Variants in GULP1 observed in about 807,000 individuals in gnomAD.
GULP1 encodes GULP PTB domain containing engulfment adaptor 1.
Under a neutral mutation model 40.9 loss-of-function variants are expected in GULP1, and 19 were observed. That is an observed-to-expected ratio of 0.46 (90% CI 0.32 to 0.68). GULP1 has a LOEUF of 0.68. Ranked by LOEUF, GULP1 falls within the 30% of genes least tolerant of loss-of-function variation. GULP1 has a pLI of 0.03. For synonymous variants in GULP1, 119 were observed against 117.6 expected, an observed-to-expected ratio of 1.01 and a Z score of -0.08; for missense variants, 312 against 362.2, an observed-to-expected ratio of 0.86 and a Z score of 1.12.
At chr2:188,520,553 CTG>C (rs2065648751) in intron 4 of GULP1, among the ~76,000 whole-genome samples, 1 of 147,532 alleles carries the variant, frequency 6.8e-6, no homozygotes, top group South Asian at 2.2e-4. Context: ...AAAAAAGTAA[CTG>C]TTGTCCCTTA....
intron 7 of GULP1, among the ~76,000 whole-genome samples, chr2:188,555,607 GACTA>G (rs1157867422): frequency 6.6e-6 from 1 of 152,180 alleles, no homozygotes; most frequent in Non-Finnish European, 1.5e-5. Flanking sequence ...CTTTACAGGT[GACTA>G]GACGCTTTCC....
chr2:188,372,005 A>AT (rs5837089), intron 1 of GULP1, among the ~76,000 whole-genome samples: 1 of 151,918 alleles, frequency 6.6e-6, no homozygotes. Context: ...TACATCATTG[A>AT]TTTTTCCAAT....
chr2:188,315,552 A>G (rs1208838564), intron 1 of GULP1, among the ~76,000 whole-genome samples: 4 of 152,034 alleles, frequency 2.6e-5, no homozygotes, highest in African/African-American at 9.7e-5. Context: ...TCTTTATAGC[A>G]CTTAGCATAC....
rs558212256 is a variant in GULP1, at chr2:188,307,767, G to A, written c.-172+15601G>A. On this transcript the variant is annotated intron_variant, in intron 1 of 11. Coordinates refer to ENST00000409830, the MANE Select transcript of GULP1 (RefSeq NM_016315.4). ...TTCTTTTCACATAATATGCTGTGGT[G>A]TATAGCCATTGATTTAGGTGTATTT... Among the ~76,000 whole-genome samples the A allele has an allele frequency of 3.9e-5, 6 of 152,284 alleles. No individual in the cohort carries two copies. In the South Asian group the frequency reaches 1.2e-3, roughly 32 times the overall value.
chr2:188,511,341 G>A (rs916591151), intron 4 of GULP1, among the ~76,000 whole-genome samples: 5 of 152,144 alleles, frequency 3.3e-5, no homozygotes, highest in African/African-American at 9.7e-5. Context: ...TATTTCCACA[G>A]CCCATGTGTT....
intron 6 of GULP1, among the ~76,000 whole-genome samples, chr2:188,532,038 T>C (rs192938117): frequency 9.8e-5 from 15 of 152,294 alleles, no homozygotes; most frequent in African/African-American, 1.9e-4. Flanking sequence ...TTATTTTCAA[T>C]TTCTTATCTG....
At chr2:188,478,378 A>G (rs907471363) in intron 3 of GULP1, among the ~76,000 whole-genome samples, 2 of 152,102 alleles carry the variant, frequency 1.3e-5, no homozygotes, top group African/African-American at 4.8e-5. Context: ...AATAAATATA[A>G]CTTTGCGTAG....
At chr2:188,318,902 T>C in intron 1 of GULP1, among the ~76,000 whole-genome samples, 1 of 152,160 alleles carries the variant, frequency 6.6e-6, no homozygotes, top group Non-Finnish European at 1.5e-5. Flanking sequence ...GCTCCTACCA[T>C]TGTCATGCCT....
intron 6 of GULP1, among the ~76,000 whole-genome samples, chr2:188,532,618 A>G (rs555072875): frequency 4.3e-4 from 65 of 152,138 alleles, no homozygotes; most frequent in African/African-American, 1.5e-3. Flanking sequence ...ATTTGTTCCA[A>G]TGAAAGATAT....
intron 2 of GULP1, among the ~76,000 whole-genome samples, chr2:188,463,284 A>G (rs1422042839): frequency 6.6e-6 from 1 of 152,140 alleles, no homozygotes; most frequent in Non-Finnish European, 1.5e-5. Context: ...TTTTTGCCAT[A>G]TACATTCTAG....
At chr2:188,366,099 G>A (rs1344085580) in intron 1 of GULP1, among the ~76,000 whole-genome samples, 2 of 152,116 alleles carry the variant, frequency 1.3e-5, no homozygotes, top group Admixed American at 1.3e-4. Context: ...GACACCTCCA[G>A]CAGCCAGAGC....
In GULP1 at chr2:188,522,806, AG is replaced by A; in HGVS notation, c.142del (p.Asp48MetfsTer3). 6.2e-7 allele frequency: 1 copy of A among 1,609,088 alleles called. No individual in the cohort carries two copies. Among genetic ancestry groups the A allele is most frequent in the Non-Finnish European group, 8.5e-7 (1 of 1,175,684 alleles). ...AGCCAAAAGGAACAGAAGTTGTGAG[AG>A]ATGCTGTAAGGAAACTAAAGGTAGG... is the stretch of plus-strand genomic sequence containing the variant. Reference protein sequence around the residue: ...EQPKGTEVVRDAVRKLKFARH... With the variant: ...EQPKGTEVVRXAVRKLKFARH... On this transcript the variant is annotated frameshift_variant, in exon 5 of 12. Transcript: ENST00000409830. LOFTEE classifies it high-confidence loss of function.
At chr2:188,450,879 C>T (rs1279997135) in intron 2 of GULP1, among the ~76,000 whole-genome samples, 1 of 152,124 alleles carries the variant, frequency 6.6e-6, no homozygotes, top group Non-Finnish European at 1.5e-5. Flanking sequence ...ATTCGAGCAC[C>T]ATCTGCTTCA....
intron 4 of GULP1, among the ~76,000 whole-genome samples, chr2:188,521,108 G>T (rs1221740412): frequency 6.6e-6 from 1 of 151,354 alleles, no homozygotes; most frequent in Non-Finnish European, 1.5e-5. Context: ...AATCTCTTTG[G>T]TCTTATAATT....
chr2:188,386,761 G>C (rs933667811), intron 2 of GULP1, among the ~76,000 whole-genome samples: 1 of 151,966 alleles, frequency 6.6e-6, no homozygotes, highest in African/African-American at 2.4e-5. Flanking sequence ...AGCCAGTTTT[G>C]AAAATATTGA....
At chr2:188,447,365 T>G (rs2058478887) in intron 2 of GULP1, among the ~76,000 whole-genome samples, 1 of 152,172 alleles carries the variant, frequency 6.6e-6, no homozygotes, top group East Asian at 1.9e-4. Flanking sequence ...GAACCAGTTT[T>G]TCTGGTTAAA....
At chr2:188,306,869 T>C (rs1185186935) in intron 1 of GULP1, among the ~76,000 whole-genome samples, 1 of 152,190 alleles carries the variant, frequency 6.6e-6, no homozygotes, top group Non-Finnish European at 1.5e-5. Context: ...TTTAGAGGGA[T>C]GACCATGGGA....
At chr2:188,316,307 A>G (rs2039072800) in intron 1 of GULP1, among the ~76,000 whole-genome samples, 1 of 152,074 alleles carries the variant, frequency 6.6e-6, no homozygotes, top group African/African-American at 2.4e-5. Context: ...TACCCTCTTT[A>G]TGGCCTTTCA....
chr2:188,334,557 C>T (rs1361839754), intron 1 of GULP1, among the ~76,000 whole-genome samples: 1 of 152,170 alleles, frequency 6.6e-6, no homozygotes, highest in African/African-American at 2.4e-5. Context: ...CCATTTGCAG[C>T]TAGGATTGAC....
Sources: allele counts gnomAD v4.1 joint callset (sites outside exome capture counted in the v4.1 genomes callset), GRCh38; gene constraint gnomAD v4.1.1; transcripts MANE v1.5; gene names NCBI Gene and HGNC (gene_info 2026-07-23, HGNC 2026-07-21).